ACTR3C: variants seen among roughly 807,000 people sequenced by gnomAD.
The protein encoded by ACTR3C is actin-related protein 3C.
In ACTR3C, 18 loss-of-function variants were observed where a neutral mutation model predicts 26.3. The observed-to-expected ratio is 0.68, with a 90% CI of 0.47 to 1.01. ACTR3C has a LOEUF of 1.01. Among genes scored for constraint, ACTR3C ranks in the 50% least tolerant of loss-of-function variants. The probability of loss-of-function intolerance (pLI) is 0.00; values close to 1 mark genes in which losing one functional copy is unlikely to be tolerated. For missense variants in ACTR3C, 184 were observed against 250.7 expected (o/e 0.73, Z 1.80); for synonymous variants, 55 against 94.5 (o/e 0.58, Z 2.42).
the ACTR3C span, among the ~76,000 whole-genome samples, chr7:150,215,601 C>T: frequency 6.6e-6 from 1 of 152,130 alleles, no homozygotes; most frequent in African/African-American, 2.4e-5. Flanking sequence ...ATAACTCATC[C>T]CTTTTGGCTT....
chr7:150,001,599 C>T, the ACTR3C span: 11 of 152,114 alleles, frequency 7.2e-5, no homozygotes, highest in African/African-American at 2.7e-4. Context: ...GCCTCAGTTT[C>T]CTTGCTCACA....
chr7:149,994,539 G>A, the ACTR3C span, among the ~76,000 whole-genome samples: 1 of 152,154 alleles, frequency 6.6e-6, no homozygotes, highest in Non-Finnish European at 1.5e-5. Context: ...AGAGGTTGCA[G>A]TGAGCCGAGA....
chr7:150,122,234 C>T, the ACTR3C span, among the ~76,000 whole-genome samples: 1 of 151,474 alleles, frequency 6.6e-6, no homozygotes, highest in African/African-American at 2.4e-5. Flanking sequence ...CAAATGGGAT[C>T]TAATTAAAGA....
chr7:150,042,428 C>A, the ACTR3C span, among the ~76,000 whole-genome samples: 1 of 148,934 alleles, frequency 6.7e-6, no homozygotes, highest in African/African-American at 2.5e-5. Context: ...GCGAGGGGTG[C>A]CTCCTCCCCT....
At chr7:149,958,665 A>T in the ACTR3C span, among the ~76,000 whole-genome samples, 45 of 152,374 alleles carry the variant, frequency 3.0e-4, no homozygotes, top group East Asian at 7.9e-3. Flanking sequence ...CACGTAAAAC[A>T]TCTTGGCTGT....
At chr7:150,132,203 T>C in the ACTR3C span, among the ~76,000 whole-genome samples, 2 of 152,158 alleles carry the variant, frequency 1.3e-5, no homozygotes, top group Non-Finnish European at 2.9e-5. Flanking sequence ...TTTCAGGAGC[T>C]AGGGGACAGG....
chr7:150,048,545 C>A, the ACTR3C span, among the ~76,000 whole-genome samples: 2,235 of 143,272 alleles, frequency 0.016, no homozygotes, highest in Non-Finnish European at 0.023. Context: ...TAGTGCTGCG[C>A]GTGCCCCGCA....
the ACTR3C span, among the ~76,000 whole-genome samples, chr7:150,120,923 T>G: frequency 6.6e-6 from 1 of 152,088 alleles, no homozygotes. Context: ...GATGTAAGGG[T>G]GGTTCAACAT....
the ACTR3C span, among the ~76,000 whole-genome samples, chr7:150,190,482 A>G: frequency 7.9e-5 from 12 of 152,218 alleles, no homozygotes; most frequent in Non-Finnish European, 1.6e-4. Context: ...AATTTTTTAA[A>G]GAAATTTTCA....
chr7:150,028,407 C>A, the ACTR3C span, among the ~76,000 whole-genome samples: 2 of 152,290 alleles, frequency 1.3e-5, no homozygotes, highest in African/African-American at 2.4e-5. Flanking sequence ...CACGGGAGAT[C>A]AAACCTCAAT....
chr7:150,000,262 A>C, the ACTR3C span, among the ~76,000 whole-genome samples: 35 of 150,282 alleles, frequency 2.3e-4, no homozygotes, highest in Admixed American at 2.3e-3. Context: ...TTTACTTTAT[A>C]AACCAAAAGC....
the ACTR3C span, among the ~76,000 whole-genome samples, chr7:149,943,685 T>G: frequency 2.0e-5 from 3 of 152,080 alleles, no homozygotes; most frequent in Non-Finnish European, 4.4e-5. Context: ...CACTCCAGCC[T>G]GGGCAAGCAA....
the ACTR3C span, among the ~76,000 whole-genome samples, chr7:150,012,071 A>C: frequency 6.6e-6 from 1 of 152,206 alleles, no homozygotes; most frequent in Non-Finnish European, 1.5e-5. Flanking sequence ...GGGATGGAAA[A>C]GAAGTTGAGA....
chr7:149,927,135 T>C, the ACTR3C span, among the ~76,000 whole-genome samples: 1 of 152,024 alleles, frequency 6.6e-6, no homozygotes, highest in African/African-American at 2.4e-5. Context: ...AGGTATGCCC[T>C]GGCTGCCTCC....
chr7:150,056,724 T>C, the ACTR3C span, among the ~76,000 whole-genome samples: 1 of 147,976 alleles, frequency 6.8e-6, no homozygotes, highest in Non-Finnish European at 1.5e-5. Flanking sequence ...CTGATGGGAT[T>C]CCATTAACTC....
chr7:150,032,507 A>T, the ACTR3C span, among the ~76,000 whole-genome samples: 1 of 151,856 alleles, frequency 6.6e-6, no homozygotes, highest in Non-Finnish European at 1.5e-5. Flanking sequence ...CCTGAATGAG[A>T]TTTCACATGT....
chr7:150,317,150 CA>C (rs1797016937), intron 1 of ACTR3C, among the ~76,000 whole-genome samples: 1 of 152,030 alleles, frequency 6.6e-6, no homozygotes, highest in Non-Finnish European at 1.5e-5. Context: ...CTTCTGGGCT[CA>C]AGTGATTCTC....
chr7:150,199,914 C>T, the ACTR3C span, among the ~76,000 whole-genome samples: 5 of 151,894 alleles, frequency 3.3e-5, no homozygotes, highest in Non-Finnish European at 5.9e-5. Flanking sequence ...CAACAAGGTA[C>T]GGGAAGTAAG....
chr7:150,112,519 C>A, the ACTR3C span, among the ~76,000 whole-genome samples: 1 of 152,192 alleles, frequency 6.6e-6, no homozygotes, highest in Admixed American at 6.5e-5. Flanking sequence ...AGCATTCAGA[C>A]CCCCGGAGCT....
Sources: allele counts gnomAD v4.1 joint callset (sites outside exome capture counted in the v4.1 genomes callset), GRCh38; gene constraint gnomAD v4.1.1; transcripts MANE v1.5; gene names NCBI Gene and HGNC (gene_info 2026-07-23, HGNC 2026-07-21).